RBMS2: variants seen among roughly 807,000 people sequenced by gnomAD.
The protein encoded by RBMS2 is RNA binding motif single stranded interacting protein 2.
Under a neutral mutation model 58.4 loss-of-function variants are expected in RBMS2, and 38 were observed. The ratio of observed to expected loss-of-function variants is 0.65; its 90% CI spans 0.50 to 0.85. RBMS2 has a LOEUF of 0.85. Among genes scored for constraint, RBMS2 ranks in the 40% least tolerant of loss-of-function variants. The pLI is 0.00. For missense variants in RBMS2, 367 were observed against 503.7 expected (o/e 0.73, Z 2.60); for synonymous variants, 151 against 180.7 (o/e 0.84, Z 1.32).
chr12:56,572,863 T>C, intron 5 of RBMS2: 2 of 984,414 alleles, frequency 2.0e-6, no homozygotes, highest in Non-Finnish European at 2.4e-6. Context: ...TGGTTCACTC[T>C]CTGAAGTGGA....
chr12:56,543,220 C>T (rs1202499705), intron 1 of RBMS2, among the ~76,000 whole-genome samples: 3 of 151,352 alleles, frequency 2.0e-5, no homozygotes, highest in Non-Finnish European at 4.4e-5. Context: ...CAGTGGCTCA[C>T]GCCTGTAATC....
intron 5 of RBMS2, 56 bp downstream of exon 5, chr12:56,571,911 G>A: frequency 3.6e-6 from 5 of 1,378,084 alleles, no homozygotes; most frequent in South Asian, 1.7e-5. Flanking sequence ...TCACTTGGGG[G>A]TCACCAGAAA....
rs564617475 is a variant in RBMS2, at chr12:56,553,781, A to G, written c.67-8636A>G. On this transcript the variant is annotated intron_variant, in intron 1 of 13. Transcript: ENST00000262031. ...TGCATCTGACGAAGAGTCTGTAAAA[A>G]TTGAGTCTTTTTTAAAAAAAGAATT... 2.0e-5 allele frequency among the ~76,000 whole-genome samples: 3 copies of G among 151,454 alleles called. No homozygotes were observed. In the East Asian group the frequency reaches 5.9e-4, roughly 30 times the overall value.
intron 8 of RBMS2, 28 bp from the exon 9 acceptor site, chr12:56,582,031 C>T (rs1455862002): frequency 6.3e-7 from 1 of 1,578,316 alleles, no homozygotes; most frequent in African/African-American, 1.3e-5. Flanking sequence ...TCCTGTGACT[C>T]AGTACTGATT....
chr12:56,542,812 A>T (rs1876384382), intron 1 of RBMS2, among the ~76,000 whole-genome samples: 2 of 151,518 alleles, frequency 1.3e-5, no homozygotes, highest in Non-Finnish European at 2.9e-5. Context: ...TGTCTCCCGA[A>T]GTGTTGGGAT....
chr12:56,587,543 G>T lies in RBMS2; in HGVS notation c.952-11G>T. 1.2e-6 allele frequency: 2 copies of T among 1,612,150 alleles called. No individual in the cohort carries two copies. Among genetic ancestry groups the T allele is most frequent in the Non-Finnish European group, 1.7e-6 (2 of 1,178,896 alleles). On this transcript the variant is annotated splice_polypyrimidine_tract_variant and intron_variant, in intron 10 of 13. Coordinates refer to ENST00000262031, the MANE Select transcript of RBMS2 (RefSeq NM_002898.4). ...GCTGCAGCTAACCCTGTCCTTTGTT[G>T]CTGCCTCTAGGGTTCAGTTCTGACA... is the stretch of plus-strand genomic sequence containing the variant.
chr12:56,575,569 A>T (rs1270985237), intron 5 of RBMS2, among the ~76,000 whole-genome samples: 1 of 142,916 alleles, frequency 7.0e-6, no homozygotes, highest in African/African-American at 2.6e-5. Flanking sequence ...ACCCCCCCTC[A>T]AAAAAAAAGG....
At chr12:56,567,461 A>G (rs1015779023) in intron 2 of RBMS2, among the ~76,000 whole-genome samples, 3 of 151,772 alleles carry the variant, frequency 2.0e-5, no homozygotes, top group African/African-American at 7.3e-5. Context: ...AAGAAAGAAG[A>G]AGAAGGAAGA....
rs540408449 is a variant in RBMS2 at position 56,554,789 on chromosome 12, C to T, written c.67-7628C>T. Among the ~76,000 whole-genome samples the T allele has an allele frequency of 1.2e-4, 18 of 152,054 alleles. No homozygotes were observed. In the South Asian group the frequency reaches 1.9e-3, roughly 16 times the overall value. ...ATAGTAATATTAACAGTGGTAGTGGCGGTACTAAACAGCTTAGTTTTTTCA... is the reference window on the plus strand; with the variant it reads ...ATAGTAATATTAACAGTGGTAGTGGTGGTACTAAACAGCTTAGTTTTTTCA... On this transcript the variant is annotated intron_variant, in intron 1 of 13. Transcript: ENST00000262031.
intron 1 of RBMS2, among the ~76,000 whole-genome samples, chr12:56,526,260 T>C (rs1872618290): frequency 6.6e-6 from 1 of 151,986 alleles, no homozygotes; most frequent in South Asian, 2.1e-4. Context: ...TGAGCCGAGA[T>C]TGTGCCACTG....
intron 1 of RBMS2, among the ~76,000 whole-genome samples, chr12:56,548,679 C>T (rs542988100): frequency 1.2e-4 from 18 of 152,250 alleles, no homozygotes; most frequent in Admixed American, 5.9e-4. Context: ...TCCACATTCC[C>T]GTTGCATTAG....
intron 1 of RBMS2, among the ~76,000 whole-genome samples, chr12:56,558,038 C>CTTTTTT (rs34784910): frequency 3.5e-5 from 1 of 28,548 alleles, no homozygotes; most frequent in African/African-American, 1.2e-4. Flanking sequence ...CTCGCCCGGG[C>CTTTTTT]TTTTTTTTTT....
chr12:56,568,914 C>G, intron 2 of RBMS2, 61 bp from the exon 3 acceptor site: 1 of 1,369,474 alleles, frequency 7.3e-7, no homozygotes. Context: ...ATGTCTGAAT[C>G]TCTGTCCTAT....
Position 56,588,989 on chromosome 12 carries a change from T to G in RBMS2, c.1201T>G (p.Tyr401Asp). Residue 401 changes from tyrosine (Y) to aspartate (D), a missense_variant, in exon 13 of 14, where the codon TAT becomes GAT. Around this residue, in one of 3 missense-constraint regions of RBMS2, gnomAD observed 220 missense variants for 261.1 expected, o/e 0.84. Transcript: ENST00000262031. ...GGACGCACCCTCAGAGCATGGGGTCTATTCTTTCCAGTTCAACAAGTAACA... is the reference window on the plus strand; with the variant it reads ...GGACGCACCCTCAGAGCATGGGGTCGATTCTTTCCAGTTCAACAAGTAACA... ...AVDAPSEHGV[Y>D]SFQFNK The G allele has an allele frequency of 6.2e-7, 1 of 1,614,172 alleles. No homozygotes were observed. Among genetic ancestry groups the G allele is most frequent in the Non-Finnish European group, 8.5e-7 (1 of 1,180,028 alleles).
intron 1 of RBMS2, among the ~76,000 whole-genome samples, chr12:56,522,889 G>C (rs1871989006): frequency 6.6e-6 from 1 of 152,208 alleles, no homozygotes; most frequent in African/African-American, 2.4e-5. Context: ...ATACTGATTA[G>C]GAGGAATTTC....
chr12:56,534,681 G>A (rs543748032), intron 1 of RBMS2, among the ~76,000 whole-genome samples: 12 of 151,950 alleles, frequency 7.9e-5, no homozygotes, highest in South Asian at 4.2e-4. Context: ...TCGCTCTGTC[G>A]CCCAGGCTGG....
intron 4 of RBMS2, among the ~76,000 whole-genome samples, chr12:56,571,110 C>T (rs1882224298): frequency 6.6e-6 from 1 of 152,220 alleles, no homozygotes; most frequent in Admixed American, 6.5e-5. Context: ...GAAGGGCTCT[C>T]CTACCTCTTC....
chr12:56,571,452 C>T (rs1882279980), intron 4 of RBMS2, among the ~76,000 whole-genome samples: 1 of 152,144 alleles, frequency 6.6e-6, no homozygotes, highest in African/African-American at 2.4e-5. Flanking sequence ...AAGAGACAGC[C>T]AAACACCATT....
intron 1 of RBMS2, among the ~76,000 whole-genome samples, chr12:56,551,311 G>A (rs916393112): frequency 2.0e-5 from 3 of 152,116 alleles, no homozygotes; most frequent in African/African-American, 7.2e-5. Flanking sequence ...GTATTTAGAA[G>A]AGGACTCATA....
Sources: allele counts gnomAD v4.1 joint callset (sites outside exome capture counted in the v4.1 genomes callset), GRCh38; gene constraint gnomAD v4.1.1; regional missense constraint gnomAD v4.1.1; transcripts MANE v1.5; gene names NCBI Gene and HGNC (gene_info 2026-07-23, HGNC 2026-07-21).